The following FUT9 variants were observed in gnomAD, a reference collection of about 807,000 sequenced individuals.
FUT9 encodes 4-galactosyl-N-acetylglucosaminide 3-alpha-L-fucosyltransferase 9.
Under a neutral mutation model 29.7 loss-of-function variants are expected in FUT9, and 15 were observed. The observed-to-expected ratio is 0.51, with a 90% confidence interval of 0.34 to 0.78. The LOEUF (loss-of-function observed/expected upper bound fraction) is 0.78, where lower values mean the gene tolerates loss of function less well. Ranked by LOEUF, FUT9 falls within the 30% of genes least tolerant of loss-of-function variation. FUT9 has a pLI of 0.01. For synonymous variants in FUT9, 169 were observed against 153.7 expected (o/e 1.10, Z -0.74); for missense variants, 319 against 425.4 (o/e 0.75, Z 2.20).
intron 2 of FUT9, among the ~76,000 whole-genome samples, chr6:96,201,324 T>C (rs1773722885): frequency 6.6e-6 from 1 of 152,010 alleles, no homozygotes; most frequent in African/African-American, 2.4e-5. Flanking sequence ...CTTCAATTTT[T>C]ATCTATGCTA....
At chr6:96,109,950 G>A (rs971558461) in intron 1 of FUT9, among the ~76,000 whole-genome samples, 6 of 152,122 alleles carry the variant, frequency 3.9e-5, no homozygotes, top group African/African-American at 1.4e-4. Context: ...GTATACTGGG[G>A]TGTTTTTCTT....
intron 2 of FUT9, among the ~76,000 whole-genome samples, chr6:96,172,189 C>A (rs1368645862): frequency 6.6e-6 from 1 of 152,112 alleles, no homozygotes; most frequent in African/African-American, 2.4e-5. Flanking sequence ...GAGGGGGCTT[C>A]ATTCTCAGGA....
intron 1 of FUT9, among the ~76,000 whole-genome samples, chr6:96,081,807 T>C (rs1027097508): frequency 4.3e-4 from 65 of 151,898 alleles, no homozygotes; most frequent in Admixed American, 6.6e-5. Context: ...CATTACACTT[T>C]CTCCATTCCC....
At chr6:96,026,527 T>A (rs1225979238) in intron 1 of FUT9, among the ~76,000 whole-genome samples, 1 of 151,698 alleles carries the variant, frequency 6.6e-6, no homozygotes, top group Non-Finnish European at 1.5e-5. Context: ...CTTTGTGTAA[T>A]TATAATGTAT....
intron 1 of FUT9, among the ~76,000 whole-genome samples, chr6:96,072,373 A>T (rs1771077072): frequency 6.6e-6 from 1 of 152,198 alleles, no homozygotes; most frequent in African/African-American, 2.4e-5. Context: ...GATGTAAAAA[A>T]TTGTATCTTT....
chr6:96,022,456 C>G (rs1770086267), intron 1 of FUT9, among the ~76,000 whole-genome samples: 1 of 151,944 alleles, frequency 6.6e-6, no homozygotes, highest in African/African-American at 2.4e-5. Flanking sequence ...ACAGGTATTG[C>G]ATGGGAAATG....
intron 2 of FUT9, among the ~76,000 whole-genome samples, chr6:96,202,468 G>T (rs1188456698): frequency 6.6e-6 from 1 of 151,952 alleles, no homozygotes; most frequent in African/African-American, 2.4e-5. Context: ...ATTATTAAAA[G>T]TAAACAAAGA....
chr6:96,141,168 T>A (rs1772454946), intron 2 of FUT9, among the ~76,000 whole-genome samples: 1 of 152,208 alleles, frequency 6.6e-6, no homozygotes, highest in Non-Finnish European at 1.5e-5. Flanking sequence ...TATCCTTTAA[T>A]GATAAGTTTC....
chr6:96,160,058 T>C (rs1040170293), intron 2 of FUT9, among the ~76,000 whole-genome samples: 3 of 152,156 alleles, frequency 2.0e-5, no homozygotes, highest in African/African-American at 7.2e-5. Flanking sequence ...AGGACACTTG[T>C]TAGTTACATT....
chr6:96,198,532 G>A (rs565684452), intron 2 of FUT9, among the ~76,000 whole-genome samples: 2 of 151,972 alleles, frequency 1.3e-5, no homozygotes, highest in African/African-American at 4.8e-5. Context: ...GGACATTTGG[G>A]TTGGTTCCAA....
chr6:96,206,487 G>C lies in FUT9; in HGVS notation c.*2252G>C, dbSNP rs1464208708. 1.2e-5 allele frequency: 2 copies of C among 166,826 alleles called. No individual in the cohort carries two copies. Among genetic ancestry groups the C allele is most frequent in the Non-Finnish European group, 1.5e-5 (1 of 68,120 alleles). 10.3% of individuals were successfully genotyped at this position (166,826 alleles called of 1,614,324 possible). A position where few individuals can be genotyped will look rare whatever the true frequency, so the allele number is the denominator to read the frequency against. On this transcript the variant is annotated 3_prime_UTR_variant, in exon 3 of 3. Transcript: ENST00000302103. ...TTTTATTATTATTATTTTTGTGATAGAGTCTTGCTCTGTCGCCCAGGCCGG... is the reference window on the plus strand; with the variant it reads ...TTTTATTATTATTATTTTTGTGATACAGTCTTGCTCTGTCGCCCAGGCCGG...
intron 2 of FUT9, among the ~76,000 whole-genome samples, chr6:96,137,583 C>T (rs946407813): frequency 1.3e-5 from 2 of 151,946 alleles, no homozygotes; most frequent in African/African-American, 4.8e-5. Context: ...GGTGATAACA[C>T]TTAACATCAA....
At chr6:96,039,631 C>T (rs1217922170) in intron 1 of FUT9, among the ~76,000 whole-genome samples, 2 of 152,096 alleles carry the variant, frequency 1.3e-5, no homozygotes, top group Non-Finnish European at 2.9e-5. Flanking sequence ...CTTCCTCAGT[C>T]ACCGTATCAT....
intron 2 of FUT9, among the ~76,000 whole-genome samples, chr6:96,176,068 C>T (rs953490647): frequency 3.9e-5 from 6 of 152,230 alleles, no homozygotes; most frequent in Non-Finnish European, 8.8e-5. Context: ...CATCAGAACT[C>T]CAGGATCTCC....
chr6:96,167,651 G>T (rs924369767), intron 2 of FUT9, among the ~76,000 whole-genome samples: 17 of 152,124 alleles, frequency 1.1e-4, no homozygotes, highest in African/African-American at 3.9e-4. Flanking sequence ...AGTAAATAAT[G>T]ATGTCAAAAG....
At position 96,203,180 on chromosome 6, in the gene FUT9, C is replaced by T. The variant is rs1470703687; in HGVS notation, c.25C>T (p.Leu9Phe). The T allele has an allele frequency of 6.3e-7, 1 of 1,598,190 alleles. No homozygotes were observed. Among genetic ancestry groups the T allele is most frequent in the Admixed American group, 1.7e-5 (1 of 59,178 alleles). Residue 9 changes from leucine (L) to phenylalanine (F), a missense_variant, in exon 3 of 3, where the codon CTT (leucine) becomes TTT (phenylalanine). Transcript: ENST00000302103. MTSTSKGI[L>F]RPFLIVCIIL... The stretch of plus-strand genomic sequence containing the variant: ...TATGACATCAACATCCAAAGGAATT[C>T]TTCGCCCATTTTTAATTGTCTGCAT...
At chr6:96,154,036 T>C (rs1359223344) in intron 2 of FUT9, among the ~76,000 whole-genome samples, 3 of 152,208 alleles carry the variant, frequency 2.0e-5, no homozygotes, top group Admixed American at 2.0e-4. Flanking sequence ...TAGTTTTCAA[T>C]ATGAGTGAGA....
At chr6:96,174,931 C>A (rs949775866) in intron 2 of FUT9, among the ~76,000 whole-genome samples, 8 of 152,116 alleles carry the variant, frequency 5.3e-5, no homozygotes, top group African/African-American at 1.9e-4. Context: ...TAGAAAAAAT[C>A]ATCAGATTCT....
At chr6:96,017,479 C>A (rs1260076410) in intron 1 of FUT9, among the ~76,000 whole-genome samples, 1 of 152,058 alleles carries the variant, frequency 6.6e-6, no homozygotes, top group African/African-American at 2.4e-5. Context: ...GAGTGAACAT[C>A]GGGAGGGGTC....
Sources: allele counts gnomAD v4.1 joint callset (sites outside exome capture counted in the v4.1 genomes callset), GRCh38; gene constraint gnomAD v4.1.1; transcripts MANE v1.5; gene names NCBI Gene and HGNC (gene_info 2026-07-23, HGNC 2026-07-21).